Variants in PPARGC1A observed in about 807,000 individuals in gnomAD.
PPARGC1A encodes PPARG coactivator 1 alpha.
PPARGC1A carries 25 observed loss-of-function variants against 88.7 expected under a neutral mutation model. The observed-to-expected ratio is 0.28, with a 90% CI of 0.21 to 0.39. PPARGC1A has a LOEUF of 0.39. Ranked by LOEUF, PPARGC1A falls within the 10% of genes least tolerant of loss-of-function variation. The pLI is 1.00. For synonymous variants in PPARGC1A, 363 were observed against 355.6 expected (o/e 1.02, Z -0.24); for missense variants, 880 against 968.7 (o/e 0.91, Z 1.22).
the PPARGC1A span, among the ~76,000 whole-genome samples, chr4:24,375,351 CAAGA>C: frequency 2.0e-5 from 3 of 152,144 alleles, no homozygotes; most frequent in African/African-American, 7.2e-5. Flanking sequence ...CATTTGGATT[CAAGA>C]TGACAGACTG....
chr4:24,078,242 G>C, the PPARGC1A span, among the ~76,000 whole-genome samples: 1 of 152,144 alleles, frequency 6.6e-6, no homozygotes. Flanking sequence ...TACAAATGGT[G>C]AACTTTACTG....
chr4:23,925,836 AAGAG>A, the PPARGC1A span, among the ~76,000 whole-genome samples: 2 of 151,722 alleles, frequency 1.3e-5, no homozygotes, highest in African/African-American at 2.4e-5. Context: ...TAATACTAGA[AAGAG>A]AGAGAGAGAG....
the PPARGC1A span, among the ~76,000 whole-genome samples, chr4:24,370,668 C>A: frequency 2.7e-5 from 4 of 150,196 alleles, no homozygotes; most frequent in East Asian, 7.9e-4. Flanking sequence ...CTAAACAGAT[C>A]AGCCAGAGAG....
chr4:23,941,996 G>A, the PPARGC1A span, among the ~76,000 whole-genome samples: 1 of 152,020 alleles, frequency 6.6e-6, no homozygotes, highest in Non-Finnish European at 1.5e-5. Context: ...AAACTGGATA[G>A]GCTTTAGCTC....
chr4:24,075,301 C>T, the PPARGC1A span, among the ~76,000 whole-genome samples: 1 of 152,118 alleles, frequency 6.6e-6, no homozygotes, highest in Admixed American at 6.5e-5. Context: ...TGGTGGTGTC[C>T]ACCAGAGTCA....
the PPARGC1A span, among the ~76,000 whole-genome samples, chr4:24,126,985 A>G: frequency 6.6e-6 from 1 of 152,104 alleles, no homozygotes; most frequent in Non-Finnish European, 1.5e-5. Flanking sequence ...CTGGGTGGCC[A>G]TTTCCTATCC....
the PPARGC1A span, among the ~76,000 whole-genome samples, chr4:24,345,117 C>T: frequency 6.6e-6 from 1 of 151,980 alleles, no homozygotes; most frequent in African/African-American, 2.4e-5. Flanking sequence ...TGTCTATGTG[C>T]CTATTTTTAT....
chr4:24,182,707 A>G, the PPARGC1A span, among the ~76,000 whole-genome samples: 1 of 152,156 alleles, frequency 6.6e-6, no homozygotes, highest in Admixed American at 6.6e-5. Context: ...GTGTGAGATG[A>G]TATCTCATTG....
intron 2 of PPARGC1A, among the ~76,000 whole-genome samples, chr4:23,844,446 T>C (rs1330535416): frequency 8.1e-6 from 1 of 123,008 alleles, no homozygotes; most frequent in Non-Finnish European, 1.6e-5. Flanking sequence ...ATATATAATA[T>C]AGAATATATT....
the PPARGC1A span, among the ~76,000 whole-genome samples, chr4:24,026,624 ACAGT>A: frequency 6.6e-6 from 1 of 152,158 alleles, no homozygotes; most frequent in East Asian, 1.9e-4. Flanking sequence ...AACAGCACAG[ACAGT>A]CAAAGACTCT....
chr4:24,035,404 G>A, the PPARGC1A span, among the ~76,000 whole-genome samples: 1 of 151,908 alleles, frequency 6.6e-6, no homozygotes, highest in African/African-American at 2.4e-5. Context: ...AGCCGGGTGT[G>A]GTGGTGTGCC....
At chr4:24,422,489 T>A in the PPARGC1A span, among the ~76,000 whole-genome samples, 1 of 152,210 alleles carries the variant, frequency 6.6e-6, no homozygotes, top group Non-Finnish European at 1.5e-5. Context: ...AAGCTTTCCA[T>A]CTTTCATTCT....
At chr4:23,876,505 G>A (rs774366444) in intron 2 of PPARGC1A, among the ~76,000 whole-genome samples, 1 of 152,178 alleles carries the variant, frequency 6.6e-6, no homozygotes, top group Non-Finnish European at 1.5e-5. Context: ...TATTGTGTGA[G>A]GAGGACCCTG....
chr4:23,901,557 A>AG (rs1211405614), upstream of PPARGC1A, among the ~76,000 whole-genome samples: 12 of 151,540 alleles, frequency 7.9e-5, no homozygotes, highest in Admixed American at 3.3e-4. Context: ...AAAAAAAAAA[A>AG]GAAAAGAAAA....
the PPARGC1A span, among the ~76,000 whole-genome samples, chr4:24,051,187 CAAA>C: frequency 5.1e-5 from 3 of 58,622 alleles, no homozygotes; most frequent in South Asian, 1.1e-3. Flanking sequence ...GACTCTGTCT[CAAA>C]AAAAAAAAAA....
At chr4:24,387,811 A>AGAAAGAAAGAAAGAAG in the PPARGC1A span, among the ~76,000 whole-genome samples, 2 of 110,520 alleles carry the variant, frequency 1.8e-5, no homozygotes, top group Non-Finnish European at 4.0e-5. Context: ...AAAGAAAGAA[A>AGAAAGAAAGAAAGAAG]GAAAGAAAGA....
At chr4:24,212,897 G>T in the PPARGC1A span, among the ~76,000 whole-genome samples, 1 of 152,176 alleles carries the variant, frequency 6.6e-6, no homozygotes, top group Non-Finnish European at 1.5e-5. Context: ...ATACCTAAGA[G>T]CGTGGTCATT....
At chr4:23,944,009 A>G in the PPARGC1A span, among the ~76,000 whole-genome samples, 1 of 152,184 alleles carries the variant, frequency 6.6e-6, no homozygotes, top group Non-Finnish European at 1.5e-5. Flanking sequence ...AGACATAATG[A>G]TTAAATGAAA....
the PPARGC1A span, among the ~76,000 whole-genome samples, chr4:24,237,243 T>TA: frequency 7.9e-6 from 1 of 126,212 alleles, no homozygotes; most frequent in Non-Finnish European, 1.6e-5. Context: ...CGAGATTGGA[T>TA]TTTTTTTTTT....
Sources: allele counts gnomAD v4.1 joint callset (sites outside exome capture counted in the v4.1 genomes callset), GRCh38; gene constraint gnomAD v4.1.1; transcripts MANE v1.5; gene names NCBI Gene and HGNC (gene_info 2026-07-23, HGNC 2026-07-21).